Variants in FAAH2 observed in about 807,000 individuals in gnomAD.
FAAH2 encodes fatty-acid amide hydrolase 2.
A neutral mutation model predicts 36.9 loss-of-function variants in FAAH2; 60 were observed. The observed-to-expected ratio is 1.63, with a 90% CI of 1.32 to 2.02. The LOEUF (loss-of-function observed/expected upper bound fraction) is 2.02. Ranked by LOEUF, FAAH2 falls within the 30% of genes most tolerant of loss-of-function variation. FAAH2 has a pLI of 0.00. For synonymous variants in FAAH2, 214 were observed against 143.8 expected (o/e 1.49, Z -3.49); for missense variants, 689 against 397.5 (o/e 1.73, Z -6.23).
chrX:57,147,026 C>T, the FAAH2 span, among the ~76,000 whole-genome samples: 2 of 110,863 alleles, frequency 1.8e-5, no homozygotes, highest in Admixed American at 9.6e-5. Flanking sequence ...CTGTAGTTTC[C>T]TTTCTTGGTT....
chrX:57,412,035 A>G (rs975768861), intron 7 of FAAH2, among the ~76,000 whole-genome samples: 2 of 112,053 alleles, frequency 1.8e-5, no homozygotes, highest in Non-Finnish European at 3.8e-5. Flanking sequence ...CGATACAAGT[A>G]TACAATGCAT....
At chrX:57,391,457 G>A (rs1294137869) in intron 7 of FAAH2, among the ~76,000 whole-genome samples, 1 of 110,376 alleles carries the variant, frequency 9.1e-6, no homozygotes, top group Non-Finnish European at 1.9e-5. Context: ...TTACATTTAA[G>A]TCATAAATGA....
At chrX:57,340,117 C>A (rs752291888) in intron 4 of FAAH2, among the ~76,000 whole-genome samples, 2 of 111,767 alleles carry the variant, frequency 1.8e-5, no homozygotes, top group Non-Finnish European at 3.8e-5. Context: ...GGCCCAAGAG[C>A]CCCCGGCAAA....
At chrX:57,240,795 C>T in the FAAH2 span, among the ~76,000 whole-genome samples, 59 of 112,143 alleles carry the variant, frequency 5.3e-4, 1 homozygote, top group East Asian at 0.011. Flanking sequence ...ATGAAGTTGG[C>T]TGCTGGGAAA....
rs768261264 is a variant in FAAH2 at position 57,351,593 on chromosome X, AC to A, written c.742+10204del. On this transcript the variant is annotated intron_variant, in intron 5 of 10. Transcript: ENST00000374900. ...AATTGATCAACTGTGAGCTAAGCTAACAAAAAAGGAAGAAGACCCAAATAAA... is the reference window on the plus strand; with the variant it reads ...AATTGATCAACTGTGAGCTAAGCTAAAAAAAAGGAAGAAGACCCAAATAAA... Among the ~76,000 whole-genome samples the A allele has an allele frequency of 1.1e-3, 118 of 110,638 alleles. 1 individual carries two copies. The highest frequency in any genetic ancestry group is 1.9e-3 in the Non-Finnish European group (99 of 52,451).
At chrX:57,452,323 T>C (rs549929454) in intron 10 of FAAH2, 1 of 752,940 alleles carries the variant, frequency 1.3e-6, no homozygotes, top group African/African-American at 2.3e-5. Context: ...TTTGGCAAAA[T>C]CATAACATGC....
At chrX:57,331,330 G>A (rs2053399311) in intron 3 of FAAH2, among the ~76,000 whole-genome samples, 1 of 110,998 alleles carries the variant, frequency 9.0e-6, no homozygotes, top group African/African-American at 3.3e-5. Flanking sequence ...GTGTTGCTGG[G>A]AGCAAGGAGC....
chrX:57,472,835 T>C (rs1259944502), intron 10 of FAAH2, among the ~76,000 whole-genome samples: 1 of 111,439 alleles, frequency 9.0e-6, no homozygotes, highest in Non-Finnish European at 1.9e-5. Context: ...TAGTCCCTGA[T>C]TGTCTTTGGT....
chrX:57,375,310 G>A lies in FAAH2; in HGVS notation c.743-3341G>A, dbSNP rs1269327249. Among the ~76,000 whole-genome samples the A allele has an allele frequency of 3.2e-4, 34 of 105,152 alleles. 1 individual carries two copies. Among genetic ancestry groups the A allele is most frequent in the Non-Finnish European group, 1.2e-4 (6 of 51,555 alleles). 91.3% of individuals were successfully genotyped at this position (105,152 alleles called of 115,157 possible). On this transcript the variant is annotated intron_variant, in intron 5 of 10. Transcript: ENST00000374900. The stretch of plus-strand genomic sequence containing the variant: ...TCAATAGGATTGGTACCAATTCTTT[G>A]AATGTCTGGTAGAATTCAGCTGTGA...
intron 5 of FAAH2, among the ~76,000 whole-genome samples, chrX:57,364,446 T>TA (rs1401998839): frequency 1.9e-5 from 2 of 104,323 alleles, no homozygotes. Flanking sequence ...TCTTCTCCTT[T>TA]TTTTTTTTTT....
At chrX:57,184,580 C>T in the FAAH2 span, among the ~76,000 whole-genome samples, 12 of 112,695 alleles carry the variant, frequency 1.1e-4, no homozygotes, top group African/African-American at 3.9e-4. Flanking sequence ...ATTATATTCA[C>T]AGAAATTTGA....
At chrX:57,345,831 T>A (rs1187463544) in intron 5 of FAAH2, among the ~76,000 whole-genome samples, 3 of 111,988 alleles carry the variant, frequency 2.7e-5, no homozygotes, top group East Asian at 5.6e-4. Context: ...TTTTTTATTT[T>A]CATTAACTTA....
chrX:57,474,023 T>A (rs957499627), intron 10 of FAAH2, among the ~76,000 whole-genome samples: 10 of 111,423 alleles, frequency 9.0e-5, no homozygotes, highest in African/African-American at 3.3e-4. Context: ...ATATGTGAGG[T>A]TTTCTTCCTA....
At chrX:57,252,454 C>T in the FAAH2 span, among the ~76,000 whole-genome samples, 2 of 112,433 alleles carry the variant, frequency 1.8e-5, no homozygotes, top group East Asian at 5.6e-4. Context: ...ATCCCTGACA[C>T]CCGTGTAGCC....
chrX:57,252,457 G>A, the FAAH2 span, among the ~76,000 whole-genome samples: 2 of 112,364 alleles, frequency 1.8e-5, no homozygotes, highest in East Asian at 2.8e-4. Flanking sequence ...CCTGACACCC[G>A]TGTAGCCTGA....
At chrX:57,237,118 T>C in the FAAH2 span, among the ~76,000 whole-genome samples, 1 of 111,920 alleles carries the variant, frequency 8.9e-6, no homozygotes, top group Admixed American at 9.5e-5. Context: ...AGACTATCTT[T>C]TCTTCCATGT....
At chrX:57,318,565 G>A (rs1254767266) in intron 3 of FAAH2, among the ~76,000 whole-genome samples, 1 of 111,644 alleles carries the variant, frequency 9.0e-6, no homozygotes, top group East Asian at 2.8e-4. Context: ...GAACTAGATG[G>A]ATTCACAGCC....
the FAAH2 span, among the ~76,000 whole-genome samples, chrX:57,187,777 G>T: frequency 1.8e-5 from 2 of 111,248 alleles, no homozygotes; most frequent in African/African-American, 6.5e-5. Context: ...TAGCATGAAG[G>T]GGTATTGAAT....
At chrX:57,270,192 C>T in the FAAH2 span, among the ~76,000 whole-genome samples, 8,708 of 111,108 alleles carry the variant, frequency 0.078, 855 homozygotes, top group African/African-American at 0.27. Flanking sequence ...CTGAACAGAC[C>T]AATAATGAGC....
Sources: gnomAD v4.1 joint callset for allele counts (sites outside exome capture counted in the v4.1 genomes callset) on GRCh38, gnomAD v4.1.1 for gene constraint, MANE v1.5 for transcripts, NCBI Gene and HGNC (gene_info 2026-07-23, HGNC 2026-07-21) for gene names.